Variants in IL31RA observed in about 807,000 individuals in gnomAD.
IL31RA encodes the protein interleukin 31 receptor A, also known as interleukin-31 receptor subunit alpha.
Under a neutral mutation model 83.7 loss-of-function variants are expected in IL31RA, and 66 were observed. That is an observed-to-expected ratio of 0.79 (90% confidence interval 0.65 to 0.97). The LOEUF (loss-of-function observed/expected upper bound fraction) is 0.97. Ranked by LOEUF, IL31RA falls within the 50% of genes least tolerant of loss-of-function variation. The probability of loss-of-function intolerance (pLI) is 0.00; values close to 1 mark genes in which losing one functional copy is unlikely to be tolerated. For synonymous variants in IL31RA, 325 were observed against 329.0 expected, an observed-to-expected ratio of 0.99 and a Z score of 0.13; for missense variants, 798 against 919.4, an observed-to-expected ratio of 0.87 and a Z score of 1.71.
chr5:55,903,422 T>A lies in IL31RA; in HGVS notation c.1070-2684T>A, dbSNP rs866682992. Among the ~76,000 whole-genome samples, 2 of 152,224 alleles carry A rather than the reference T, an allele frequency of 1.3e-5. No individual in the cohort carries two copies. The highest frequency in any genetic ancestry group is 2.9e-5 in the Non-Finnish European group (2 of 68,034). On this transcript the variant is annotated intron_variant, in intron 8 of 14. Transcript: ENST00000652347. The surrounding 1 kb of genome is among the most constrained non-coding windows in gnomAD (Gnocchi z 4.7). ...CCACACCTGGGGATGTTTGGAGTAA[T>A]TGCTCAGAAAGCTCTTGTTGAATGA...
rs1311733782 is a variant in IL31RA, at chr5:55,913,623, T to A, written c.1736+53T>A. On this transcript the variant is annotated intron_variant, in intron 13 of 14. Coordinates refer to ENST00000652347, the MANE Select transcript of IL31RA (RefSeq NM_139017.7). The stretch of plus-strand genomic sequence containing the variant: ...TTAAAAATCAGGGACAAAAAGGGGT[T>A]GAAGTCATCATAGGTGCTTCGTAGG... 2.6e-6 allele frequency: 3 copies of A among 1,149,868 alleles called. No individual in the cohort carries two copies. In the Admixed American group the frequency reaches 5.1e-5, roughly 19 times the overall value. The allele number at this position is 1,149,868 out of a possible 1,614,324, so 71.2% of individuals were successfully genotyped here.
chr5:55,880,041 T>G (rs1439621087), intron 4 of IL31RA, among the ~76,000 whole-genome samples: 1 of 152,184 alleles, frequency 6.6e-6, no homozygotes, highest in Non-Finnish European at 1.5e-5. Context: ...TTATTTTCCC[T>G]TTTCCAATAC....
At position 55,898,282 on chromosome 5, in the gene IL31RA, C is replaced by CCCGT. The variant is rs552361578; in HGVS notation, c.853-1632_853-1629dup. On this transcript the variant is annotated intron_variant, in intron 7 of 14. Transcript: ENST00000652347. ...GATGGATTTCAGTGCCCGCCTCCTC[C>CCCGT]CCGTCGCCTGTTGGGTCTGGTCTTT... is the stretch of plus-strand genomic sequence containing the variant. 3.4e-4 allele frequency among the ~76,000 whole-genome samples: 52 copies of CCCGT among 152,276 alleles called. No homozygotes were observed. The East Asian group carries it at 9.6e-3, about 28-fold the overall frequency.
Position 55,903,614 on chromosome 5 carries a change from C to T in IL31RA, c.1070-2492C>T, listed in dbSNP as rs998195208. Among the ~76,000 whole-genome samples, 4 of 152,190 alleles carry T rather than the reference C, an allele frequency of 2.6e-5. No individual in the cohort carries two copies. The highest frequency in any genetic ancestry group is 9.7e-5 in the African/African-American group (4 of 41,446). On this transcript the variant is annotated intron_variant, in intron 8 of 14. Coordinates refer to ENST00000652347, the MANE Select transcript of IL31RA (RefSeq NM_139017.7). This position sits in a 1 kb window ranked among gnomAD's most constrained non-coding sequence, Gnocchi z 4.7. ...TCCGCAGTCTCTGCAGTGCACTTGG[C>T]GCTTTAGACCCGGATCTCCCTGCTC...
rs938413878 is a variant in IL31RA, at chr5:55,917,922, A to G, written c.*802A>G. On this transcript the variant is annotated 3_prime_UTR_variant, in exon 15 of 15. Coordinates refer to ENST00000652347, the MANE Select transcript of IL31RA (RefSeq NM_139017.7). Reference sequence around the variant, plus strand: ...CCTGACATTGCAGTGGTTGTCATATAGGGACGCTGGCCCCTCACACTGGTT... The same window carrying G: ...CCTGACATTGCAGTGGTTGTCATATGGGGACGCTGGCCCCTCACACTGGTT... Among the ~76,000 whole-genome samples, 15 of 152,194 alleles carry G rather than the reference A, an allele frequency of 9.9e-5. No individual in the cohort carries two copies. Among genetic ancestry groups the G allele is most frequent in the Non-Finnish European group, 1.5e-4 (10 of 68,026 alleles).
At chr5:55,877,863 G>A (rs540774838) in intron 4 of IL31RA, among the ~76,000 whole-genome samples, 59 of 152,206 alleles carry the variant, frequency 3.9e-4, no homozygotes, top group Non-Finnish European at 7.9e-4. Context: ...GTAGATTTGT[G>A]TATTTCATCA....
rs1163249675 is a variant in IL31RA at position 55,899,990 on chromosome 5, C to A, written c.927C>A (p.Asn309Lys). The A allele has an allele frequency of 5.0e-6, 8 of 1,613,966 alleles. No homozygotes were observed. The highest frequency in any genetic ancestry group is 6.8e-6 in the Non-Finnish European group (8 of 1,179,934). Residue 309 changes from asparagine to lysine, a missense_variant, in exon 8 of 15, where the codon AAC becomes AAA. By Grantham distance (94) the Asn-to-Lys change is moderately conservative. Coordinates refer to ENST00000652347, the MANE Select transcript of IL31RA (RefSeq NM_139017.7). Reference protein sequence around the residue: ...NIWYYPESNTNLTETMNTTNQ... With the variant: ...NIWYYPESNTKLTETMNTTNQ... ...GGTACTATCCAGAAAGCAACACTAA[C>A]CTCACAGAAACAATGAACACTACTA... is the stretch of plus-strand genomic sequence containing the variant.
chr5:55,902,182 C>T (rs1469314131), intron 8 of IL31RA: 1 of 152,158 alleles, frequency 6.6e-6, no homozygotes, highest in African/African-American at 2.4e-5. Flanking sequence ...TATTTGCTCA[C>T]ATATTATTTA....
At position 55,902,459 on chromosome 5, in the gene IL31RA, C is replaced by CAAAAAAAAAAA. The variant is rs59506009; in HGVS notation, c.1069+2337_1069+2347dup. The CAAAAAAAAAAA allele has an allele frequency of 4.3e-4, 43 of 100,610 alleles. 1 individual carries two copies. The highest frequency in any genetic ancestry group is 4.7e-4 in the African/African-American group (12 of 25,386). The allele number at this position is 100,610 out of a possible 1,614,324, so 6.2% of individuals were successfully genotyped here. A position where few individuals can be genotyped will look rare whatever the true frequency, so the allele number is the denominator to read the frequency against. ...GCAACATAGTGAAACCTTGTTTCTA[C>CAAAAAAAAAAA]AAAAAAAAAAAAAAAAAAAATACAA... On this transcript the variant is annotated intron_variant, in intron 8 of 14. Transcript: ENST00000652347.
At chr5:55,886,783 C>T (rs1196654117) in intron 5 of IL31RA, among the ~76,000 whole-genome samples, 2 of 152,350 alleles carry the variant, frequency 1.3e-5, no homozygotes, top group African/African-American at 4.8e-5. Flanking sequence ...TCCCTTGCAT[C>T]ATGTTCTCTC....
At chr5:55,873,811 T>C (rs141357848) in intron 4 of IL31RA, among the ~76,000 whole-genome samples, 1,588 of 152,274 alleles carry the variant, frequency 0.01, 17 homozygotes, top group South Asian at 0.045. Context: ...TTATCAGATA[T>C]GTAATTTGCA....
intron 7 of IL31RA, among the ~76,000 whole-genome samples, chr5:55,899,167 C>T (rs1211045870): frequency 1.3e-5 from 2 of 152,084 alleles, no homozygotes; most frequent in African/African-American, 2.4e-5. Context: ...GGCAGTGGGA[C>T]GAAGTGCCTG....
At chr5:55,847,276 T>G, upstream of IL31RA, among the ~76,000 whole-genome samples, 1 of 137,292 alleles carries the variant, frequency 7.3e-6, no homozygotes, top group African/African-American at 2.7e-5. Context: ...AATAAATAAA[T>G]AAATAAATAA....
chr5:55,873,964 C>A (rs962015925), intron 4 of IL31RA, among the ~76,000 whole-genome samples: 1 of 152,012 alleles, frequency 6.6e-6, no homozygotes, highest in Non-Finnish European at 1.5e-5. Context: ...CATTGCCTAA[C>A]CTGAGGTCAG....
intron 2 of IL31RA, 62 bp from the exon 3 acceptor site, chr5:55,868,729 G>A (rs886319399): frequency 4.2e-6 from 4 of 963,460 alleles, no homozygotes; most frequent in Non-Finnish European, 6.8e-6. Flanking sequence ...GTTCAATGCT[G>A]GCAATATTTA....
At chr5:55,857,125 A>G (rs1423577) in intron 1 of IL31RA, among the ~76,000 whole-genome samples, 105,209 of 150,890 alleles carry the variant, frequency 0.7, 37,130 homozygotes, top group Middle Eastern at 0.78. Context: ...TTGAGACAGC[A>G]TCTGGCTCTG....
chr5:55,903,568 C>T lies in IL31RA; in HGVS notation c.1070-2538C>T, dbSNP rs555917079. ...AGGTTGACTCATGGTTTCCTGGGGC[C>T]GGCGCCACGCCCCTGTGGTCTCCGC... On this transcript the variant is annotated intron_variant, in intron 8 of 14. Transcript: ENST00000652347. The surrounding 1 kb of genome is among the most constrained non-coding windows in gnomAD (Gnocchi z 4.7). Among the ~76,000 whole-genome samples, 8 of 152,284 alleles carry T rather than the reference C, an allele frequency of 5.3e-5. No individual in the cohort carries two copies. Among genetic ancestry groups the T allele is most frequent in the South Asian group, 4.1e-4 (2 of 4,820 alleles).
chr5:55,854,407 C>A (rs535728538), intron 1 of IL31RA, among the ~76,000 whole-genome samples: 2 of 152,238 alleles, frequency 1.3e-5, no homozygotes, highest in Non-Finnish European at 1.5e-5. Context: ...ATAAAAATAG[C>A]AATTTCATTT....
chr5:55,905,340 G>C (rs1481559678), intron 8 of IL31RA, among the ~76,000 whole-genome samples: 1 of 152,074 alleles, frequency 6.6e-6, no homozygotes, highest in Non-Finnish European at 1.5e-5. Context: ...TCTGAGCCCC[G>C]CCCAGTTTGT....
Sources: allele counts gnomAD v4.1 joint callset (sites outside exome capture counted in the v4.1 genomes callset), GRCh38; gene constraint gnomAD v4.1.1; non-coding constraint Gnocchi (gnomAD v3.1); transcripts MANE v1.5; gene names NCBI Gene and HGNC (gene_info 2026-07-23, HGNC 2026-07-21).